Variants in NUS1 observed in about 807,000 individuals in gnomAD.
NUS1 encodes the protein NUS1 dehydrodolichyl diphosphate synthase subunit, also known as dehydrodolichyl diphosphate synthase complex subunit NUS1.
For synonymous variants in NUS1, 135 were observed against 155.2 expected, an observed-to-expected ratio of 0.87 and a Z score of 0.97; for missense variants, 292 against 382.9, an observed-to-expected ratio of 0.76 and a Z score of 1.98.
intron 1 of NUS1, among the ~76,000 whole-genome samples, chr6:117,685,596 C>T (rs1464047653): frequency 1.3e-5 from 2 of 152,098 alleles, no homozygotes; most frequent in Non-Finnish European, 2.9e-5. Context: ...AAGTGATCCT[C>T]CCATCTCAGC....
intron 1 of NUS1, among the ~76,000 whole-genome samples, chr6:117,678,347 T>G (rs12530278): frequency 0.052 from 7,989 of 152,238 alleles, 493 homozygotes; most frequent in East Asian, 0.27. Context: ...CATTTACAGG[T>G]GACAGTTGGG....
chr6:117,700,042 A>G (rs1051252540), intron 3 of NUS1, among the ~76,000 whole-genome samples: 28 of 152,216 alleles, frequency 1.8e-4, no homozygotes, highest in Admixed American at 1.6e-3. Flanking sequence ...AAGATCTCAA[A>G]CTAAGCAACT....
At chr6:117,680,269 A>C (rs1366248908) in intron 1 of NUS1, among the ~76,000 whole-genome samples, 2 of 152,172 alleles carry the variant, frequency 1.3e-5, no homozygotes, top group Non-Finnish European at 2.9e-5. Context: ...TGTCTATATG[A>C]TTATAATTTA....
chr6:117,697,443 A>T (rs1380724300), intron 3 of NUS1, among the ~76,000 whole-genome samples: 1 of 152,102 alleles, frequency 6.6e-6, no homozygotes, highest in African/African-American at 2.4e-5. Flanking sequence ...ACACAGACTG[A>T]AAATAAAGGG....
Position 117,707,117 on chromosome 6 carries a change from C to G in NUS1, c.*102C>G. On this transcript the variant is annotated 3_prime_UTR_variant, in exon 5 of 5. Transcript: ENST00000368494. ...TATGAAACCCTGTACACACCTAGTT[C>G]ATAATCCTCATAATTTATCAACAAA... is the stretch of plus-strand genomic sequence containing the variant. The G allele has an allele frequency of 1.1e-6, 1 of 932,244 alleles. No individual in the cohort carries two copies. Among genetic ancestry groups the G allele is most frequent in the Non-Finnish European group, 1.7e-6 (1 of 587,492 alleles). The allele number at this position is 932,244 out of a possible 1,614,324, so 57.7% of individuals were successfully genotyped here.
intron 2 of NUS1, among the ~76,000 whole-genome samples, chr6:117,693,522 A>G (rs920383703): frequency 1.3e-5 from 2 of 152,216 alleles, no homozygotes; most frequent in African/African-American, 4.8e-5. Flanking sequence ...TTGCATGTCT[A>G]TAGATAAGAA....
chr6:117,693,262 G>A (rs1396503247), intron 2 of NUS1, 95 bp downstream of exon 2: 36 of 1,247,484 alleles, frequency 2.9e-5, no homozygotes, highest in Non-Finnish European at 4.0e-5. Context: ...ATTCATTCAC[G>A]TTGCTCTGTT....
At position 117,691,558 on chromosome 6, in the gene NUS1, G is replaced by GATAT. The variant is rs60775803; in HGVS notation, c.416-1458_416-1455dup. ...CAGCAGGTTCTGTGCCATAGATATA[G>GATAT]ATATATATATATATATATATATATA... is the stretch of plus-strand genomic sequence containing the variant. On this transcript the variant is annotated intron_variant, in intron 1 of 4. Transcript: ENST00000368494. 4.4e-3 allele frequency among the ~76,000 whole-genome samples: 608 copies of GATAT among 136,932 alleles called. 7 individuals carry two copies. Among genetic ancestry groups the GATAT allele is most frequent in the East Asian group, 0.034 (159 of 4,724 alleles). 89.8% of individuals were successfully genotyped at this position (136,932 alleles called of 152,430 possible).
rs550854234 is a variant in NUS1, at chr6:117,675,733, G to C, written c.63G>C (p.Thr21=). ...VLHALLCLHR[T]LTSWLRVRFG... is the part of the protein sequence containing the mutation. ...ACGCGCTGCTCTGTCTGCACCGCAC[G>C]CTCACCTCCTGGCTCCGCGTTCGGT... The change falls in exon 1 of 5, where the codon ACG becomes ACC. Residue 21 remains threonine (T), a synonymous_variant. Coordinates refer to ENST00000368494, the MANE Select transcript of NUS1 (RefSeq NM_138459.5). 64 of 1,537,748 alleles carry C rather than the reference G, an allele frequency of 4.2e-5. No homozygotes were observed. The highest frequency in any genetic ancestry group is 5.4e-5 in the Non-Finnish European group (62 of 1,145,000).
chr6:117,692,555 A>G (rs771724473), intron 1 of NUS1, among the ~76,000 whole-genome samples: 1 of 152,030 alleles, frequency 6.6e-6, no homozygotes, highest in Non-Finnish European at 1.5e-5. Context: ...CTTTTTACGT[A>G]ATCCTTATTA....
intron 3 of NUS1, among the ~76,000 whole-genome samples, chr6:117,701,861 A>AT (rs1773415528): frequency 6.7e-6 from 1 of 149,340 alleles, no homozygotes; most frequent in Non-Finnish European, 1.5e-5. Context: ...TTTTTTATTT[A>AT]ATTTTTTAGT....
At chr6:117,703,976 A>G (rs1283929840) in intron 4 of NUS1, among the ~76,000 whole-genome samples, 1 of 152,194 alleles carries the variant, frequency 6.6e-6, no homozygotes, top group African/African-American at 2.4e-5. Flanking sequence ...TGATCCGCAG[A>G]TACATAAAAT....
chr6:117,707,104 T>A lies in NUS1; in HGVS notation c.*89T>A. 9.3e-7 allele frequency: 1 copy of A among 1,080,650 alleles called. No homozygotes were observed. The highest frequency in any genetic ancestry group is 1.4e-6 in the Non-Finnish European group (1 of 705,876). 66.9% of individuals were successfully genotyped at this position (1,080,650 alleles called of 1,614,324 possible). A position where few individuals can be genotyped will look rare whatever the true frequency, so the allele number is the denominator to read the frequency against. ...TTTACAAAGCACCTATGAAACCCTG[T>A]ACACACCTAGTTCATAATCCTCATA... On this transcript the variant is annotated 3_prime_UTR_variant, in exon 5 of 5. Coordinates refer to ENST00000368494, the MANE Select transcript of NUS1 (RefSeq NM_138459.5).
chr6:117,709,306 G>A lies in NUS1; in HGVS notation c.*2291G>A, dbSNP rs983301483. The A allele has an allele frequency of 8.1e-5, 12 of 147,790 alleles. No individual in the cohort carries two copies. Among genetic ancestry groups the A allele is most frequent in the African/African-American group, 3.0e-4 (12 of 39,812 alleles). The allele number at this position is 147,790 out of a possible 1,614,324, so 9.2% of individuals were successfully genotyped here. A position where few individuals can be genotyped will look rare whatever the true frequency, so the allele number is the denominator to read the frequency against. On this transcript the variant is annotated 3_prime_UTR_variant, in exon 5 of 5. Transcript: ENST00000368494. ...TACTGTCTTTAAATTGTTTCTTGTTGACACTCCCCACAATGGAAAAATTAC... is the reference window on the plus strand; with the variant it reads ...TACTGTCTTTAAATTGTTTCTTGTTAACACTCCCCACAATGGAAAAATTAC...
At chr6:117,702,601 G>C (rs1014272409) in intron 3 of NUS1, among the ~76,000 whole-genome samples, 4 of 152,062 alleles carry the variant, frequency 2.6e-5, no homozygotes, top group Non-Finnish European at 5.9e-5. Context: ...ATCACTATTG[G>C]TTTGGAGTTC....
chr6:117,676,199 C>T (rs1412062856), intron 1 of NUS1, 114 bp downstream of exon 1: 4 of 1,478,782 alleles, frequency 2.7e-6, no homozygotes, highest in South Asian at 1.3e-5. Flanking sequence ...CAAATCACAG[C>T]GCTAGCGCTT....
chr6:117,678,109 C>G (rs1431066577), intron 1 of NUS1, among the ~76,000 whole-genome samples: 3 of 152,004 alleles, frequency 2.0e-5, no homozygotes, highest in Admixed American at 2.0e-4. Context: ...GTCATAGTTG[C>G]TAAAAGAAAA....
At position 117,694,085 on chromosome 6, in the gene NUS1, A is replaced by G. The variant is rs765038821; in HGVS notation, c.596A>G (p.Asp199Gly). 43 of 1,612,748 alleles carry G rather than the reference A, an allele frequency of 2.7e-5. No homozygotes were observed. The South Asian group carries it at 3.6e-4, about 14-fold the overall frequency. Residue 199 changes from aspartate (D) to glycine (G), a missense_variant, in exon 3 of 5, where the codon GAT becomes GGT. Transcript: ENST00000368494. ...CTGTCTCCGGAAGATGGAAAAGCAGATATTGTAAGAGCTGCTCAGGACTTT... is the reference window on the plus strand; with the variant it reads ...CTGTCTCCGGAAGATGGAAAAGCAGGTATTGTAAGAGCTGCTCAGGACTTT... ...KVLSPEDGKA[D>G]IVRAAQDFCQ...
At chr6:117,706,172 G>T (rs1214508764) in intron 4 of NUS1, among the ~76,000 whole-genome samples, 1 of 152,134 alleles carries the variant, frequency 6.6e-6, no homozygotes, top group East Asian at 1.9e-4. Context: ...ATACATAAAA[G>T]GGAACCCTCT....
Sources: allele counts gnomAD v4.1 joint callset (sites outside exome capture counted in the v4.1 genomes callset), GRCh38; gene constraint gnomAD v4.1.1; transcripts MANE v1.5; gene names NCBI Gene and HGNC (gene_info 2026-07-23, HGNC 2026-07-21).